Variants in CHD7 observed in about 807,000 individuals in gnomAD.
CHD7 encodes ATP-dependent chromatin remodeler CHD7.
Under a neutral mutation model 307.3 loss-of-function variants are expected in CHD7, and 24 were observed. That is an observed-to-expected ratio of 0.08 (90% CI 0.06 to 0.11). The LOEUF is 0.11. CHD7 is among the 10% of genes least tolerant of loss of function. CHD7 has a pLI of 1.00. For missense variants in CHD7, 3,106 were observed against 3,727.1 expected (o/e 0.83, Z 4.34); for synonymous variants, 1,363 against 1,349.9 (o/e 1.01, Z -0.21).
chr8:60,853,042 A>G lies in CHD7; in HGVS notation c.6317A>G (p.Lys2106Arg). The G allele has an allele frequency of 6.2e-7, 1 of 1,613,968 alleles. No homozygotes were observed. Residue 2106 changes from lysine to arginine, a missense_variant, in exon 31 of 38, where the codon AAA (lysine) becomes AGA (arginine). Transcript: ENST00000423902. ...CGAGACTTGCTGGTTGGTGCTGCTA[A>G]ACACGGGGTCAGTCGGACGGATTAT... ...HDRDLLVGAA[K>R]HGVSRTDYHI...
At chr8:60,785,743 A>G (rs1371283920) in intron 3 of CHD7, among the ~76,000 whole-genome samples, 2 of 152,366 alleles carry the variant, frequency 1.3e-5, no homozygotes, top group African/African-American at 4.8e-5. Context: ...GGTAGTAAGT[A>G]CAAAAACCTA....
At chr8:60,684,837 CAA>C (rs1805801848) in intron 1 of CHD7, among the ~76,000 whole-genome samples, 1 of 152,136 alleles carries the variant, frequency 6.6e-6, no homozygotes, top group African/African-American at 2.4e-5. Context: ...GCAGAGAGGA[CAA>C]TAGGTTGTAG....
intron 21 of CHD7, 100 bp from the exon 22 acceptor site, chr8:60,844,764 A>G: frequency 1.1e-6 from 1 of 946,692 alleles, no homozygotes. Context: ...AATTGTTGCT[A>G]GTTTTGACCC....
chr8:60,770,187 T>C (rs1267615770), intron 2 of CHD7, among the ~76,000 whole-genome samples: 2 of 152,250 alleles, frequency 1.3e-5, no homozygotes, highest in Admixed American at 6.5e-5. Flanking sequence ...TATTAAGTTA[T>C]TCTGTTCTGC....
At position 60,698,176 on chromosome 8, in the gene CHD7, T is replaced by C. The variant is rs566076534; in HGVS notation, c.-175+19094T>C. Among the ~76,000 whole-genome samples the C allele has an allele frequency of 8.4e-4, 128 of 152,342 alleles. 1 individual carries two copies. The highest frequency in any genetic ancestry group is 2.9e-3 in the African/African-American group (122 of 41,576). On this transcript the variant is annotated intron_variant, in intron 1 of 37. Coordinates refer to ENST00000423902, the MANE Select transcript of CHD7 (RefSeq NM_017780.4). ...CTTCACTAGGCCAGTGCTTACCTTGTACATAAGCAAAAGTAGGAAAATGAA... is the reference window on the plus strand; with the variant it reads ...CTTCACTAGGCCAGTGCTTACCTTGCACATAAGCAAAAGTAGGAAAATGAA...
chr8:60,679,623 GCGGCGGCGGCGGCTCGGGGA>G (rs1464871224), intron 1 of CHD7: 4 of 148,046 alleles, frequency 2.7e-5, no homozygotes, highest in African/African-American at 4.9e-5. Flanking sequence ...CGGCTGAGCA[GCGGCGGCGGCGGCTCGGGGA>G]CGGCGGCGAC....
chr8:60,812,260 C>T (rs541442990), intron 7 of CHD7, among the ~76,000 whole-genome samples: 1 of 152,286 alleles, frequency 6.6e-6, no homozygotes, highest in South Asian at 2.1e-4. Flanking sequence ...CTTGTGGTTT[C>T]ATTTTATCTA....
chr8:60,780,832 AT>A (rs533287285), intron 2 of CHD7, among the ~76,000 whole-genome samples, 167 bp from the exon 3 acceptor site: 1 of 152,012 alleles, frequency 6.6e-6, no homozygotes, highest in African/African-American at 2.4e-5. Flanking sequence ...TTAAACATAC[AT>A]TTTTTTTGGA....
At chr8:60,777,684 G>A (rs78874766) in intron 2 of CHD7, among the ~76,000 whole-genome samples, 3,278 of 152,188 alleles carry the variant, frequency 0.022, 104 homozygotes, top group African/African-American at 0.064. Flanking sequence ...TATATGTTGT[G>A]AACAATGGAG....
chr8:60,855,944 A>T (rs1227267701), intron 32 of CHD7, 31 bp from the exon 33 acceptor site: 2 of 1,469,968 alleles, frequency 1.4e-6, no homozygotes, highest in Admixed American at 1.9e-5. Flanking sequence ...GGCTTTGTTA[A>T]AATTTCTTGT....
At chr8:60,721,213 A>G (rs1807886174) in intron 1 of CHD7, among the ~76,000 whole-genome samples, 5 of 152,158 alleles carry the variant, frequency 3.3e-5, no homozygotes, top group African/African-American at 1.2e-4. Flanking sequence ...TAGGGAGGTA[A>G]TTAAGATTAC....
chr8:60,772,475 C>T (rs184202825), intron 2 of CHD7, among the ~76,000 whole-genome samples: 1 of 152,308 alleles, frequency 6.6e-6, no homozygotes, highest in East Asian at 1.9e-4. Context: ...ATTAAACATG[C>T]AAAGCGTTTT....
chr8:60,678,764 C>CGCGGCG lies in CHD7; in HGVS notation c.-472_-467dup, dbSNP rs886063023. The CGCGGCG allele has an allele frequency of 0.092, 12,707 of 138,116 alleles. 804 individuals carry two copies. The highest frequency in any genetic ancestry group is 0.2 in the East Asian group (872 of 4,430). The allele number at this position is 138,116 out of a possible 1,614,324, so 8.6% of individuals were successfully genotyped here. A position where few individuals can be genotyped will look rare whatever the true frequency, so the allele number is the denominator to read the frequency against. ...CGCGCAGGCGCTGGCGTGCTGGGGCCGCGGCGGCGGCGGCGGCGGCGGCGG... is the reference window on the plus strand; with the variant it reads ...CGCGCAGGCGCTGGCGTGCTGGGGCCGCGGCGGCGGCGGCGGCGGCGGCGGCGGCGG... On this transcript the variant is annotated 5_prime_UTR_variant, in exon 1 of 38. Coordinates refer to ENST00000423902, the MANE Select transcript of CHD7 (RefSeq NM_017780.4).
At position 60,838,200 on chromosome 8, in the gene CHD7, G is replaced by A. The variant is rs2150779499; in HGVS notation, c.4478G>A (p.Arg1493His). 6.2e-7 allele frequency: 1 copy of A among 1,602,104 alleles called. No homozygotes were observed. The highest frequency in any genetic ancestry group is 8.5e-7 in the Non-Finnish European group (1 of 1,174,202). ...GAAGATATTGATCAGATCCTCCTAC[G>A]TCGAACCCACACCATTACCATTGAG... ...CEEDIDQILL[R>H]RTHTITIESE... The change falls in exon 19 of 38, where the codon CGT becomes CAT. Residue 1493 changes from arginine to histidine, a missense_variant. Physicochemically the swap from Arg to His is conservative, Grantham distance 29. This residue lies in a region of CHD7 where 93 missense variants were observed against 176.4 expected (regional missense o/e 0.53). Transcript: ENST00000423902.
intron 13 of CHD7, chr8:60,824,804 T>G (rs1804193398): frequency 6.6e-6 from 1 of 152,284 alleles, no homozygotes; most frequent in East Asian, 1.9e-4. Flanking sequence ...TTTCTAGATT[T>G]TTTTTTCAGC....
chr8:60,862,501 G>A, intron 36 of CHD7, 47 bp from the exon 37 acceptor site: 1 of 1,515,636 alleles, frequency 6.6e-7, no homozygotes, highest in Non-Finnish European at 9.0e-7. Flanking sequence ...AACAGAAAGG[G>A]GAGGGAAGAC....
chr8:60,680,887 C>CT (rs1289155869), intron 1 of CHD7, among the ~76,000 whole-genome samples: 1 of 152,102 alleles, frequency 6.6e-6, no homozygotes, highest in African/African-American at 2.4e-5. Flanking sequence ...AAAAGTGTCC[C>CT]TTTTGGGGGC....
intron 9 of CHD7, among the ~76,000 whole-genome samples, chr8:60,821,085 A>G (rs1255959024): frequency 6.6e-6 from 1 of 152,186 alleles, no homozygotes; most frequent in African/African-American, 2.4e-5. Context: ...ATGTGATTGG[A>G]CACAAACAGT....
intron 1 of CHD7, among the ~76,000 whole-genome samples, chr8:60,688,125 T>G (rs1015577416): frequency 2.6e-5 from 4 of 152,254 alleles, no homozygotes; most frequent in African/African-American, 9.6e-5. Flanking sequence ...CCTTTCACAC[T>G]TAAGGCCCTT....
Sources: allele counts gnomAD v4.1 joint callset (sites outside exome capture counted in the v4.1 genomes callset), GRCh38; gene constraint gnomAD v4.1.1; regional missense constraint gnomAD v4.1.1; transcripts MANE v1.5; gene names NCBI Gene and HGNC (gene_info 2026-07-23, HGNC 2026-07-21).